Variants in TMPRSS3 observed in about 807,000 individuals in gnomAD.
TMPRSS3 encodes transmembrane protease serine 3.
In TMPRSS3, 55 loss-of-function variants were observed where a neutral mutation model predicts 59.6. The observed-to-expected ratio is 0.92, with a 90% CI of 0.74 to 1.16. The LOEUF is 1.16. TMPRSS3 is among the 50% of genes most tolerant of loss of function. TMPRSS3 has a pLI of 0.00. For synonymous variants in TMPRSS3, 257 were observed against 237.7 expected (o/e 1.08, Z -0.75); for missense variants, 596 against 579.4 (o/e 1.03, Z -0.29).
chr21:42,394,637 G>T (rs1401631160), intron 2 of TMPRSS3, among the ~76,000 whole-genome samples: 2 of 152,022 alleles, frequency 1.3e-5, no homozygotes, highest in Non-Finnish European at 2.9e-5. Context: ...AATCATTAGG[G>T]TGACCCCCAC....
At chr21:42,376,793 T>G in intron 10 of TMPRSS3, 110 bp from the exon 11 acceptor site, 1 of 1,534,466 alleles carries the variant, frequency 6.5e-7, no homozygotes, top group Non-Finnish European at 8.9e-7. Context: ...AGGGGGATGC[T>G]CTCTGGTGTG....
At chr21:42,382,806 T>A (rs1486351471) in intron 8 of TMPRSS3, 8 of 611,650 alleles carry the variant, frequency 1.3e-5, no homozygotes, top group Non-Finnish European at 2.3e-5. Flanking sequence ...CTGTCTGCCC[T>A]TTCTCTAGGA....
Position 42,376,589 on chromosome 21 carries a change from G to A in TMPRSS3, c.1143C>T (p.Pro381=), listed in dbSNP as rs746633574. Residue 381 remains proline, a synonymous_variant, in exon 11 of 13, where the codon CCC becomes CCT. Transcript: ENST00000644384. ...TCAGGTAGCCCGCGCAGAGCATGGA[G>A]GGGGAGATGATGCCACCGTACACGT... The part of the protein sequence containing the change: ...HRDVYGGIIS[P]SMLCAGYLTG... The A allele has an allele frequency of 5.6e-6, 9 of 1,613,866 alleles. No individual in the cohort carries two copies. The highest frequency in any genetic ancestry group is 1.6e-4 in the Middle Eastern group (1 of 6,074).
At chr21:42,380,681 C>T (rs2298691) in intron 9 of TMPRSS3, among the ~76,000 whole-genome samples, 25,489 of 152,172 alleles carry the variant, frequency 0.17, 2,664 homozygotes, top group East Asian at 0.31. Context: ...TGGGTGTTGC[C>T]TATAGAACAC....
intron 10 of TMPRSS3, among the ~76,000 whole-genome samples, chr21:42,379,590 C>G (rs1034327393): frequency 6.6e-6 from 1 of 152,146 alleles, no homozygotes; most frequent in Admixed American, 6.5e-5. Flanking sequence ...CAGCTCTGTA[C>G]CCACACTAAG....
chr21:42,383,610 C>T (rs1348142954), intron 7 of TMPRSS3: 2 of 523,604 alleles, frequency 3.8e-6, no homozygotes, highest in Non-Finnish European at 7.1e-6. Flanking sequence ...TGAACACTCC[C>T]CTCTGCCAGG....
At chr21:42,380,568 C>G (rs1320000611) in intron 9 of TMPRSS3, among the ~76,000 whole-genome samples, 1 of 152,224 alleles carries the variant, frequency 6.6e-6, no homozygotes, top group African/African-American at 2.4e-5. Flanking sequence ...CAGGTACCCA[C>G]ATAGGTGTGG....
intron 10 of TMPRSS3, among the ~76,000 whole-genome samples, chr21:42,379,160 AC>A (rs1214205575): frequency 6.6e-6 from 1 of 151,990 alleles, no homozygotes; most frequent in African/African-American, 2.4e-5. Context: ...TGCTGGGATT[AC>A]AGGCATGAAC....
At chr21:42,393,156 A>G (rs1334561157) in intron 2 of TMPRSS3, among the ~76,000 whole-genome samples, 1 of 152,214 alleles carries the variant, frequency 6.6e-6, no homozygotes, top group Admixed American at 6.5e-5. Flanking sequence ...AGGCAAGAGA[A>G]TCGCTTGAAC....
intron 2 of TMPRSS3, 89 bp from the exon 3 acceptor site, chr21:42,390,126 C>T (rs2052711044): frequency 9.9e-7 from 1 of 1,011,612 alleles, no homozygotes; most frequent in Non-Finnish European, 1.5e-6. Context: ...CTTTCCCCCT[C>T]CCCTCTTTGC....
At chr21:42,373,512 G>A (rs1382292076) in intron 12 of TMPRSS3, among the ~76,000 whole-genome samples, 1 of 152,200 alleles carries the variant, frequency 6.6e-6, no homozygotes, top group Non-Finnish European at 1.5e-5. Context: ...GTTTCTCAGT[G>A]TGCCCTGAAG....
In TMPRSS3 at chr21:42,371,983, G is replaced by C. The variant is rs1167310463; in HGVS notation, c.*779C>G. On this transcript the variant is annotated 3_prime_UTR_variant, in exon 13 of 13. Transcript: ENST00000644384. ...AATCATGAAAATAGGCCTTAAACGA[G>C]TCATTCCTAGATTAACCTCCCCACA... 2.2e-6 allele frequency: 1 copy of C among 454,592 alleles called. No individual in the cohort carries two copies. Among genetic ancestry groups the C allele is most frequent in the Admixed American group, 2.3e-5 (1 of 42,570 alleles). 28.2% of individuals were successfully genotyped at this position (454,592 alleles called of 1,614,324 possible).
Position 42,372,070 on chromosome 21 carries a change from C to T in TMPRSS3, c.*692G>A, listed in dbSNP as rs886057090. On this transcript the variant is annotated 3_prime_UTR_variant, in exon 13 of 13. Transcript: ENST00000644384. ...TGGTTCTGGTCCCTAGAGATGAAAA[C>T]GTGCAGTGACTGCAGTTCTGCACTT... The T allele has an allele frequency of 1.3e-5, 6 of 454,210 alleles. No homozygotes were observed. The East Asian group carries it at 3.4e-4, about 26-fold the overall frequency. 28.1% of individuals were successfully genotyped at this position (454,210 alleles called of 1,614,324 possible).
In TMPRSS3 at chr21:42,386,419, G is replaced by A. The variant is rs2052634048; in HGVS notation, c.447-885C>T. Among the ~76,000 whole-genome samples the A allele has an allele frequency of 2.6e-5, 4 of 152,236 alleles. No homozygotes were observed. In the South Asian group the frequency reaches 8.3e-4, roughly 31 times the overall value. ...CCCTTCCAGGGATTGCTCAATGCAC[G>A]GATTCCGCTGGCACTGGCATGAAAG... On this transcript the variant is annotated intron_variant, in intron 5 of 12. Coordinates refer to ENST00000644384, the MANE Select transcript of TMPRSS3 (RefSeq NM_001256317.3).
Position 42,388,301 on chromosome 21 carries a change from G to T in TMPRSS3, c.446+102C>A. ...GTGGATGTGAGGATGTAATCTGAGAGCGTTAAAGCACCCAATAGTGCCCAA... is the reference window on the plus strand; with the variant it reads ...GTGGATGTGAGGATGTAATCTGAGATCGTTAAAGCACCCAATAGTGCCCAA... On this transcript the variant is annotated intron_variant, in intron 5 of 12. Transcript: ENST00000644384. This position sits in a 1 kb window ranked among gnomAD's most constrained non-coding sequence, Gnocchi z 5.1. The T allele has an allele frequency of 1.3e-6, 2 of 1,497,504 alleles. No homozygotes were observed. The highest frequency in any genetic ancestry group is 1.9e-6 in the Non-Finnish European group (2 of 1,076,830). The allele number at this position is 1,497,504 out of a possible 1,614,324, so 92.8% of individuals were successfully genotyped here.
At chr21:42,385,222 T>A (rs2052614008) in intron 6 of TMPRSS3, among the ~76,000 whole-genome samples, 187 bp downstream of exon 6, 1 of 151,738 alleles carries the variant, frequency 6.6e-6, no homozygotes, top group Admixed American at 6.6e-5. Flanking sequence ...TATTGGGCCA[T>A]ACTCCCTCAG....
At chr21:42,379,333 T>G (rs757430364) in intron 10 of TMPRSS3, among the ~76,000 whole-genome samples, 1 of 152,042 alleles carries the variant, frequency 6.6e-6, no homozygotes, top group Non-Finnish European at 1.5e-5. Context: ...TGGCTAATTT[T>G]TGTATTTTTT....
At chr21:42,379,448 G>A (rs932211487) in intron 10 of TMPRSS3, among the ~76,000 whole-genome samples, 2 of 152,156 alleles carry the variant, frequency 1.3e-5, no homozygotes, top group East Asian at 1.9e-4. Flanking sequence ...CAGGTGTGAG[G>A]GAACACACCT....
intron 8 of TMPRSS3, 158 bp from the exon 9 acceptor site, chr21:42,382,392 C>T (rs979065681): frequency 7.2e-6 from 5 of 692,444 alleles, no homozygotes; most frequent in Non-Finnish European, 1.3e-5. Context: ...TGCAACTGCA[C>T]TGCCACGCCC....
Sources: allele counts gnomAD v4.1 joint callset (sites outside exome capture counted in the v4.1 genomes callset), GRCh38; gene constraint gnomAD v4.1.1; non-coding constraint Gnocchi (gnomAD v3.1); transcripts MANE v1.5; gene names NCBI Gene and HGNC (gene_info 2026-07-23, HGNC 2026-07-21).